PAX8: variants seen among roughly 807,000 people sequenced by gnomAD.
The protein encoded by PAX8 is paired box 8.
Under a neutral mutation model 52.4 loss-of-function variants are expected in PAX8, and 15 were observed. The observed-to-expected ratio is 0.29, with a 90% CI of 0.19 to 0.44. PAX8 has a LOEUF of 0.44. Ranked by LOEUF, PAX8 falls within the 20% of genes least tolerant of loss-of-function variation. The probability of loss-of-function intolerance (pLI) is 1.00; values close to 1 mark genes in which losing one functional copy is unlikely to be tolerated. For synonymous variants in PAX8, 284 were observed against 249.7 expected (o/e 1.14, Z -1.29); for missense variants, 554 against 602.5 (o/e 0.92, Z 0.84).
chr2:113,231,495 T>C (rs1689885197), intron 9 of PAX8, among the ~76,000 whole-genome samples: 1 of 152,160 alleles, frequency 6.6e-6, no homozygotes, highest in Non-Finnish European at 1.5e-5. Flanking sequence ...AATCACACTA[T>C]CAGAGCCACC....
intron 4 of PAX8, among the ~76,000 whole-genome samples, chr2:113,243,870 C>CA (rs1462097343): frequency 6.6e-6 from 1 of 152,224 alleles, no homozygotes; most frequent in African/African-American, 2.4e-5. Flanking sequence ...GCAGGACTTA[C>CA]AGCTGCATTT....
At chr2:113,244,133 A>G (rs989583050) in intron 4 of PAX8, among the ~76,000 whole-genome samples, 5 of 152,230 alleles carry the variant, frequency 3.3e-5, no homozygotes, top group Non-Finnish European at 7.3e-5. Flanking sequence ...AAAAGGATCA[A>G]TTCATGAAGA....
intron 2 of PAX8, among the ~76,000 whole-genome samples, chr2:113,258,830 C>A (rs565599815): frequency 1.3e-5 from 2 of 152,168 alleles, no homozygotes; most frequent in Non-Finnish European, 2.9e-5. Flanking sequence ...TCTCCGCCTC[C>A]CCCAGCCCTT....
intron 7 of PAX8, chr2:113,241,121 G>T: frequency 3.1e-6 from 1 of 326,964 alleles, no homozygotes; most frequent in Non-Finnish European, 5.9e-6. Context: ...AGGGTGGTGA[G>T]CTCGGGGCCA....
chr2:113,235,645 C>A (rs1053870566), intron 8 of PAX8, 63 bp from the exon 9 acceptor site: 47 of 1,366,164 alleles, frequency 3.4e-5, no homozygotes, highest in Admixed American at 2.6e-4. Flanking sequence ...GGAACACGCA[C>A]AAGCCAAGCC....
At chr2:113,259,998 A>G (rs1326954181) in intron 2 of PAX8, among the ~76,000 whole-genome samples, 1 of 150,422 alleles carries the variant, frequency 6.6e-6, no homozygotes, top group Non-Finnish European at 1.5e-5. Flanking sequence ...TACACCCTCA[A>G]CTCCCCCTGA....
At chr2:113,241,199 A>G (rs1573457167) in intron 7 of PAX8, 1 of 411,712 alleles carries the variant, frequency 2.4e-6, no homozygotes, top group Non-Finnish European at 4.6e-6. Context: ...ATAGTGGCTG[A>G]GGTCATTATG....
chr2:113,272,082 T>C (rs1438914317), intron 2 of PAX8: 1 of 152,206 alleles, frequency 6.6e-6, no homozygotes, highest in East Asian at 1.9e-4. Flanking sequence ...ATTGCTGGCA[T>C]CTTATATGGC....
intron 9 of PAX8, 118 bp downstream of exon 9, chr2:113,235,276 A>C (rs1453296445): frequency 4.8e-6 from 4 of 826,024 alleles, no homozygotes; most frequent in Non-Finnish European, 7.3e-6. Flanking sequence ...CGGAGGAATT[A>C]GGGAACAGGG....
At chr2:113,241,280 A>C (rs572456950) in intron 7 of PAX8, 1 of 572,822 alleles carries the variant, frequency 1.7e-6, no homozygotes, top group Admixed American at 3.0e-5. Flanking sequence ...GCTGATGGCA[A>C]GGGATAGCAT....
intron 9 of PAX8, among the ~76,000 whole-genome samples, chr2:113,228,574 C>T (rs1282538526): frequency 6.6e-6 from 1 of 152,222 alleles, no homozygotes; most frequent in Non-Finnish European, 1.5e-5. Context: ...AAAATGCCTC[C>T]AGACATTGCC....
intron 2 of PAX8, among the ~76,000 whole-genome samples, chr2:113,265,104 A>G (rs2104579072): frequency 6.6e-6 from 1 of 152,356 alleles, no homozygotes; most frequent in African/African-American, 2.4e-5. Flanking sequence ...AAACAGAGCC[A>G]AGAGAGGAGA....
At chr2:113,237,880 G>T (rs773011015) in intron 7 of PAX8, 1 of 152,116 alleles carries the variant, frequency 6.6e-6, no homozygotes, top group African/African-American at 2.4e-5. Context: ...GATTTCCATC[G>T]AGCTGGGTTC....
chr2:113,238,979 A>G (rs1573449914), intron 7 of PAX8: 1 of 137,764 alleles, frequency 7.3e-6, no homozygotes, highest in African/African-American at 2.6e-5. Context: ...ATAGGGAAAC[A>G]AGAGCTGTAT....
chr2:113,253,519 G>A (rs569715496), intron 2 of PAX8, among the ~76,000 whole-genome samples: 3 of 152,278 alleles, frequency 2.0e-5, no homozygotes, highest in East Asian at 1.9e-4. Flanking sequence ...TCTCTGCACC[G>A]CACTGTCATC....
At chr2:113,231,311 C>A (rs1689874448) in intron 9 of PAX8, among the ~76,000 whole-genome samples, 1 of 152,234 alleles carries the variant, frequency 6.6e-6, no homozygotes, top group Non-Finnish European at 1.5e-5. Context: ...CAGCTGGGAC[C>A]AGGACGGCCT....
intron 2 of PAX8, among the ~76,000 whole-genome samples, chr2:113,256,770 T>C (rs556190701): frequency 1.3e-5 from 2 of 152,216 alleles, no homozygotes; most frequent in East Asian, 3.9e-4. Flanking sequence ...TAAAGCTATA[T>C]GGAGAAGAGA....
At position 113,216,222 on chromosome 2, in the gene PAX8, G is replaced by A. The variant is rs375903885; in HGVS notation, c.*2311C>T. On this transcript the variant is annotated 3_prime_UTR_variant, in exon 12 of 12. Transcript: ENST00000429538. ...TCAGATGTCATGGATTCGGAGTCGC[G>A]CTGCAGAGGGAAGTTCTGCCATTGA... The A allele has an allele frequency of 1.3e-5, 3 of 230,798 alleles. No homozygotes were observed. Among genetic ancestry groups the A allele is most frequent in the African/African-American group, 2.2e-5 (1 of 45,210 alleles). The allele number at this position is 230,798 out of a possible 1,614,324, so 14.3% of individuals were successfully genotyped here.
rs1188372010 is a variant in PAX8 at position 113,227,667 on chromosome 2, T to G, written c.1088-411A>C. 2.6e-5 allele frequency among the ~76,000 whole-genome samples: 4 copies of G among 152,206 alleles called. 1 individual carries two copies. On this transcript the variant is annotated intron_variant, in intron 9 of 11. Transcript: ENST00000429538. ...ATAAATACATTTGAGACCACTTAAC[T>G]CAGAGCTCATCCCTTTCATTCCCGG...
Sources: gnomAD v4.1 joint callset for allele counts (sites outside exome capture counted in the v4.1 genomes callset) on GRCh38, gnomAD v4.1.1 for gene constraint, MANE v1.5 for transcripts, NCBI Gene and HGNC (gene_info 2026-07-23, HGNC 2026-07-21) for gene names.